KALRN: variants seen among roughly 807,000 people sequenced by gnomAD.
The protein encoded by KALRN is kalirin RhoGEF kinase.
Under a neutral mutation model 353.7 loss-of-function variants are expected in KALRN, and 70 were observed. The observed-to-expected ratio is 0.20, with a 90% CI of 0.16 to 0.24. The LOEUF is 0.24. Ranked by LOEUF, KALRN falls within the 10% of genes least tolerant of loss-of-function variation. The pLI, the probability that KALRN is intolerant of heterozygous loss-of-function variation, is 1.00. For synonymous variants in KALRN, 1,391 were observed against 1,434.8 expected, an observed-to-expected ratio of 0.97 and a Z score of 0.69; for missense variants, 2,791 against 3,756.7, an observed-to-expected ratio of 0.74 and a Z score of 6.72.
intron 33 of KALRN, among the ~76,000 whole-genome samples, chr3:124,499,686 T>G (rs1247451675): frequency 2.6e-5 from 4 of 152,218 alleles, no homozygotes; most frequent in Non-Finnish European, 1.5e-5. Context: ...AATCTAAGGT[T>G]TGGATATTTG....
intron 1 of KALRN, among the ~76,000 whole-genome samples, chr3:124,212,787 C>T (rs529641063): frequency 1.3e-5 from 2 of 152,192 alleles, no homozygotes; most frequent in Admixed American, 1.3e-4. Flanking sequence ...TGATTATTGC[C>T]TTCTCAAAAT....
chr3:124,259,051 G>A (rs1046141996), intron 3 of KALRN, among the ~76,000 whole-genome samples: 3 of 152,188 alleles, frequency 2.0e-5, no homozygotes, highest in Non-Finnish European at 4.4e-5. Context: ...CTGCTATTCA[G>A]GAAAAACTTG....
At chr3:124,531,191 C>T (rs1006912041) in intron 33 of KALRN, among the ~76,000 whole-genome samples, 2 of 152,208 alleles carry the variant, frequency 1.3e-5, no homozygotes, top group African/African-American at 4.8e-5. Context: ...CCTACTCAAT[C>T]ACAAAGAGCC....
At chr3:124,666,743 T>G in intron 46 of KALRN, 109 bp downstream of exon 46, 1 of 897,988 alleles carries the variant, frequency 1.1e-6, no homozygotes, top group African/African-American at 1.6e-5. Flanking sequence ...GTGAAGATCT[T>G]TCAGCCGAAT....
At chr3:124,608,372 A>G (rs927860041) in intron 34 of KALRN, among the ~76,000 whole-genome samples, 4 of 152,118 alleles carry the variant, frequency 2.6e-5, no homozygotes, top group Non-Finnish European at 4.4e-5. Flanking sequence ...TTAAGTCTCT[A>G]GAATAGATAG....
chr3:124,288,415 G>T (rs1398433449), intron 5 of KALRN, among the ~76,000 whole-genome samples: 1 of 152,082 alleles, frequency 6.6e-6, no homozygotes, highest in East Asian at 1.9e-4. Flanking sequence ...ATATAGGGAT[G>T]GAATGAGCAT....
At chr3:124,617,193 G>A (rs555613144) in intron 34 of KALRN, among the ~76,000 whole-genome samples, 1 of 152,018 alleles carries the variant, frequency 6.6e-6, no homozygotes, top group Non-Finnish European at 1.5e-5. Flanking sequence ...AATTAGCTGG[G>A]CATGGTGGCA....
At position 124,234,765 on chromosome 3, in the gene KALRN, T is replaced by C. The variant is rs1344347982; in HGVS notation, c.149-64T>C. On this transcript the variant is annotated intron_variant, in intron 2 of 59. Coordinates refer to ENST00000682506, the MANE Select transcript of KALRN (RefSeq NM_001388419.1). The stretch of plus-strand genomic sequence containing the variant: ...ACCCAGCACTCAGACAGATTTCTTT[T>C]TCCTCTGTGGCTTTCCTTTCTGACT... 3 of 1,285,010 alleles carry C rather than the reference T, an allele frequency of 2.3e-6. No individual in the cohort carries two copies. The Admixed American group carries it at 6.0e-5, about 26-fold the overall frequency. 79.6% of individuals were successfully genotyped at this position (1,285,010 alleles called of 1,614,324 possible).
At chr3:124,152,068 T>C in intron 1 of KALRN, 1 of 1,326,386 alleles carries the variant, frequency 7.5e-7, no homozygotes. Context: ...GAGAAGATAA[T>C]TTAAAGGGCC....
In KALRN at chr3:124,267,987, C is replaced by A. The variant is rs970455064; in HGVS notation, c.457-756C>A. On this transcript the variant is annotated intron_variant, in intron 4 of 59. Coordinates refer to ENST00000682506, the MANE Select transcript of KALRN (RefSeq NM_001388419.1). Reference sequence around the variant, plus strand: ...AGTTAATAAGCATAGGGCTGGGACCCAAACACAGATATTAATTTGCTAGCC... The same window carrying A: ...AGTTAATAAGCATAGGGCTGGGACCAAAACACAGATATTAATTTGCTAGCC... Among the ~76,000 whole-genome samples the A allele has an allele frequency of 4.6e-5, 7 of 152,108 alleles. No homozygotes were observed. In the South Asian group the frequency reaches 8.3e-4, roughly 18 times the overall value.
At chr3:124,300,602 G>A (rs1442875056) in intron 6 of KALRN, among the ~76,000 whole-genome samples, 1 of 152,222 alleles carries the variant, frequency 6.6e-6, no homozygotes, top group Non-Finnish European at 1.5e-5. Flanking sequence ...ACAGAACCAC[G>A]TCCAATTTGA....
chr3:124,236,523 T>G (rs1215040618), intron 3 of KALRN, among the ~76,000 whole-genome samples: 1 of 152,220 alleles, frequency 6.6e-6, no homozygotes, highest in Non-Finnish European at 1.5e-5. Flanking sequence ...CTCTCAGTTC[T>G]CTTAAAGACA....
intron 57 of KALRN, among the ~76,000 whole-genome samples, chr3:124,712,039 G>A (rs1270537376): frequency 6.6e-6 from 1 of 152,132 alleles, no homozygotes; most frequent in Non-Finnish European, 1.5e-5. Flanking sequence ...TGGACTTTGG[G>A]GACTTGGGGG....
chr3:124,591,411 TA>T (rs1331356365), intron 34 of KALRN, among the ~76,000 whole-genome samples: 2 of 152,352 alleles, frequency 1.3e-5, no homozygotes, highest in East Asian at 3.9e-4. Context: ...GTGCTGAGGT[TA>T]CAGGTGTGAG....
At chr3:124,198,492 CA>C (rs1396314937) in intron 1 of KALRN, among the ~76,000 whole-genome samples, 1 of 152,194 alleles carries the variant, frequency 6.6e-6, no homozygotes, top group Non-Finnish European at 1.5e-5. Context: ...CTCAAAGAGA[CA>C]ATTTGTGTTC....
At chr3:124,427,133 C>T (rs2093057205) in intron 15 of KALRN, among the ~76,000 whole-genome samples, 1 of 152,034 alleles carries the variant, frequency 6.6e-6, no homozygotes, top group African/African-American at 2.4e-5. Flanking sequence ...GTTTTGTTGG[C>T]TGAATATAAA....
chr3:124,508,884 A>C (rs761332923), intron 33 of KALRN, among the ~76,000 whole-genome samples: 5 of 152,270 alleles, frequency 3.3e-5, no homozygotes, highest in Non-Finnish European at 7.3e-5. Context: ...TTATGGCTTT[A>C]ATTCGTGTTT....
chr3:124,613,950 C>G (rs1337311405), intron 34 of KALRN, among the ~76,000 whole-genome samples: 2 of 152,194 alleles, frequency 1.3e-5, no homozygotes, highest in Admixed American at 6.5e-5. Flanking sequence ...TGGGTAGTTA[C>G]AGAGCCAGCC....
chr3:124,405,381 G>A (rs564695859), intron 13 of KALRN, among the ~76,000 whole-genome samples: 1 of 152,222 alleles, frequency 6.6e-6, no homozygotes, highest in African/African-American at 2.4e-5. Context: ...TTCTGGTAAG[G>A]ATGCAGTAGA....
Sources: gnomAD v4.1 joint callset for allele counts (sites outside exome capture counted in the v4.1 genomes callset) on GRCh38, gnomAD v4.1.1 for gene constraint, MANE v1.5 for transcripts, NCBI Gene and HGNC (gene_info 2026-07-23, HGNC 2026-07-21) for gene names.